ANK2: variants seen among roughly 807,000 people sequenced by gnomAD.
ANK2 encodes ankyrin 2.
A neutral mutation model predicts 360.5 loss-of-function variants in ANK2; 83 were observed. The observed-to-expected ratio is 0.23, with a 90% confidence interval of 0.19 to 0.28. The LOEUF is 0.28. Among genes scored for constraint, ANK2 ranks in the 10% least tolerant of loss-of-function variants. ANK2 has a pLI of 1.00. For synonymous variants in ANK2, 1,740 were observed against 1,759.5 expected (o/e 0.99, Z 0.28); for missense variants, 4,201 against 4,795.7 (o/e 0.88, Z 3.66).
chr4:113,162,614 T>C (rs539881051), intron 1 of ANK2, among the ~76,000 whole-genome samples: 1 of 152,230 alleles, frequency 6.6e-6, no homozygotes, highest in African/African-American at 2.4e-5. Context: ...ATGTAAATAG[T>C]AAAACAAGTT....
At chr4:112,822,912 A>T (rs1470727344) in intron 1 of ANK2, among the ~76,000 whole-genome samples, 1 of 152,158 alleles carries the variant, frequency 6.6e-6, no homozygotes, top group Non-Finnish European at 1.5e-5. Context: ...AATATATAGA[A>T]CATTGCAATT....
intron 1 of ANK2, among the ~76,000 whole-genome samples, chr4:113,108,880 C>T (rs1437254512): frequency 6.6e-6 from 1 of 152,116 alleles, no homozygotes; most frequent in Non-Finnish European, 1.5e-5. Flanking sequence ...TGAATTCTTT[C>T]AATTACATCT....
At chr4:112,724,265 A>G in the ANK2 span, among the ~76,000 whole-genome samples, 2 of 151,922 alleles carry the variant, frequency 1.3e-5, no homozygotes, top group Admixed American at 6.6e-5. Context: ...GTGTCTCACC[A>G]TGTTGGCTAG....
intron 22 of ANK2, among the ~76,000 whole-genome samples, chr4:113,300,823 A>G (rs1035866804): frequency 2.0e-5 from 3 of 152,252 alleles, no homozygotes; most frequent in Non-Finnish European, 4.4e-5. Context: ...CTCTTTACTG[A>G]ATCACAGGGC....
chr4:113,320,168 G>C (rs928906314), intron 26 of ANK2, among the ~76,000 whole-genome samples: 6 of 152,300 alleles, frequency 3.9e-5, no homozygotes, highest in Non-Finnish European at 7.4e-5. Flanking sequence ...ACACCTATAA[G>C]TAATTATGGT....
At chr4:113,267,691 C>A (rs1223137278) in intron 14 of ANK2, among the ~76,000 whole-genome samples, 5 of 152,146 alleles carry the variant, frequency 3.3e-5, no homozygotes, top group African/African-American at 1.2e-4. Context: ...TGTGATGCCT[C>A]CAGCTTTATT....
At position 113,073,205 on chromosome 4, in the gene ANK2, C is replaced by T. The variant is rs561319189; in HGVS notation, c.84+23393C>T. On this transcript the variant is annotated intron_variant, in intron 1 of 45. Transcript: ENST00000357077. ...TCCTGACCTAAGGTGATCCACCTGT[C>T]TCGGCCTCCCAAAGTGCTGGAATTA... Among the ~76,000 whole-genome samples the T allele has an allele frequency of 2.0e-5, 3 of 152,034 alleles. No homozygotes were observed. The South Asian group carries it at 6.2e-4, about 32-fold the overall frequency.
At chr4:112,711,550 C>T in the ANK2 span, among the ~76,000 whole-genome samples, 5 of 151,932 alleles carry the variant, frequency 3.3e-5, no homozygotes, top group Non-Finnish European at 5.9e-5. Context: ...GGCATGGAGG[C>T]TCAAGCCTGT....
In ANK2 at chr4:113,335,973, T is replaced by C. The variant is rs200262333; in HGVS notation, c.3507T>C (p.Gly1169=). The C allele has an allele frequency of 8.7e-5, 141 of 1,613,944 alleles. 1 individual carries two copies. The East Asian group carries it at 1.6e-3, about 18-fold the overall frequency. The stretch of plus-strand genomic sequence containing the variant: ...GCAATCTGATTGGCCCAGAAGGAGG[T>C]GTACTGAGCAGCACAGTGGTGCCCC... ...QDSNLIGPEG[G]VLSSTVVPQV... is the part of the protein sequence containing the mutation. Residue 1169 remains glycine, a synonymous_variant, in exon 30 of 46, where the codon GGT becomes GGC. Transcript: ENST00000357077.
intron 2 of ANK2, among the ~76,000 whole-genome samples, chr4:112,956,168 T>G (rs146856072): frequency 8.5e-4 from 129 of 152,328 alleles, no homozygotes; most frequent in African/African-American, 2.9e-3. Flanking sequence ...ACAAATTTAA[T>G]GTCTTCTACC....
chr4:113,291,237 A>G (rs29348), intron 20 of ANK2, among the ~76,000 whole-genome samples: 110,622 of 152,162 alleles, frequency 0.73, 40,539 homozygotes, highest in East Asian at 0.79. Flanking sequence ...TAAACACAAC[A>G]AAAAGGAAGA....
intron 2 of ANK2, among the ~76,000 whole-genome samples, chr4:112,963,399 A>G (rs1184997072): frequency 2.0e-5 from 3 of 152,176 alleles, no homozygotes; most frequent in Non-Finnish European, 4.4e-5. Context: ...TCAAAACAGC[A>G]TAGCATCAAA....
At chr4:112,780,635 A>G in the ANK2 span, among the ~76,000 whole-genome samples, 1 of 152,176 alleles carries the variant, frequency 6.6e-6, no homozygotes, top group Non-Finnish European at 1.5e-5. Context: ...TAATTTATAA[A>G]GGAAAGAGAT....
the ANK2 span, among the ~76,000 whole-genome samples, chr4:112,792,599 T>C: frequency 2.0e-5 from 3 of 152,176 alleles, no homozygotes; most frequent in Non-Finnish European, 2.9e-5. Context: ...TGCTTGGTGT[T>C]TACTGTGGGT....
At chr4:113,125,692 T>G (rs1043881031) in intron 1 of ANK2, among the ~76,000 whole-genome samples, 1 of 152,212 alleles carries the variant, frequency 6.6e-6, no homozygotes, top group Non-Finnish European at 1.5e-5. Flanking sequence ...TTTATTATTA[T>G]AAATGATTAA....
chr4:112,821,891 C>T (rs1206260890), intron 1 of ANK2, among the ~76,000 whole-genome samples: 1 of 151,946 alleles, frequency 6.6e-6, no homozygotes, highest in African/African-American at 2.4e-5. Flanking sequence ...CTCAGCCCCA[C>T]CAAATAGCTG....
intron 14 of ANK2, among the ~76,000 whole-genome samples, chr4:113,271,050 CT>C (rs2058297135): frequency 6.6e-6 from 1 of 152,190 alleles, no homozygotes; most frequent in African/African-American, 2.4e-5. Flanking sequence ...CAAGATTGTG[CT>C]GATTAACCTG....
the ANK2 span, chr4:112,788,657 C>T: frequency 6.2e-7 from 1 of 1,601,474 alleles, no homozygotes; most frequent in South Asian, 1.1e-5. Context: ...GAGGCACTTT[C>T]AGCCGCTTAT....
chr4:113,375,159 A>C (rs1212020847), intron 45 of ANK2, among the ~76,000 whole-genome samples: 2 of 152,192 alleles, frequency 1.3e-5, no homozygotes, highest in African/African-American at 4.8e-5. Flanking sequence ...AGCTTTTAAA[A>C]ATCCAGGTAA....
Sources: gnomAD v4.1 joint callset for allele counts (sites outside exome capture counted in the v4.1 genomes callset) on GRCh38, gnomAD v4.1.1 for gene constraint, MANE v1.5 for transcripts, NCBI Gene and HGNC (gene_info 2026-07-23, HGNC 2026-07-21) for gene names.